The following FAM161A variants were observed in gnomAD, a reference collection of about 807,000 sequenced individuals.
FAM161A encodes the protein protein FAM161A.
A neutral mutation model predicts 70.9 loss-of-function variants in FAM161A; 57 were observed. The observed-to-expected ratio is 0.80, with a 90% CI of 0.65 to 1.00. The LOEUF (loss-of-function observed/expected upper bound fraction) is 1.00. Among genes scored for constraint, FAM161A ranks in the 50% least tolerant of loss-of-function variants. FAM161A has a pLI of 0.00. For missense variants in FAM161A, 880 were observed against 836.0 expected (o/e 1.05, Z -0.65); for synonymous variants, 299 against 295.7 (o/e 1.01, Z -0.12).
the FAM161A span, among the ~76,000 whole-genome samples, chr2:61,811,916 T>C: frequency 6.6e-6 from 1 of 152,154 alleles, no homozygotes; most frequent in Non-Finnish European, 1.5e-5. Context: ...GAAGGCCCCA[T>C]AGAATCTGCT....
At chr2:61,836,262 T>G (rs1358885440) in intron 4 of FAM161A, 153 bp from the exon 5 acceptor site, 7 of 660,880 alleles carry the variant, frequency 1.1e-5, no homozygotes, top group Non-Finnish European at 1.3e-5. Flanking sequence ...ATAAGCACAG[T>G]TCACAGTTTA....
At chr2:61,840,666 T>G (rs1425626924) in intron 2 of FAM161A, 85 bp from the exon 3 acceptor site, 1 of 1,110,110 alleles carries the variant, frequency 9.0e-7, no homozygotes, top group African/African-American at 1.6e-5. Context: ...TCTTTTTTTT[T>G]CTGAGACAGA....
intron 6 of FAM161A, 137 bp downstream of exon 6, chr2:61,826,967 C>T: frequency 1.3e-6 from 1 of 768,736 alleles, no homozygotes; most frequent in African/African-American, 1.7e-5. Flanking sequence ...TACAACAGTT[C>T]ATATGTCTTT....
chr2:61,846,088 CAAAAAAAAAAAA>C (rs35291624), intron 1 of FAM161A, among the ~76,000 whole-genome samples: 2 of 69,018 alleles, frequency 2.9e-5, no homozygotes, highest in Non-Finnish European at 5.2e-5. Context: ...GACTCTGTCT[CAAAAAAAAAAAA>C]AAAAAAAAAA....
intron 1 of FAM161A, among the ~76,000 whole-genome samples, chr2:61,845,487 T>C (rs1352124476): frequency 5.3e-5 from 8 of 152,042 alleles, no homozygotes; most frequent in Non-Finnish European, 1.0e-4. Context: ...GTTTGGAAGA[T>C]AGGGGAAGAC....
At position 61,825,408 on chromosome 2, in the gene FAM161A, C is replaced by G. The variant is rs940193634; in HGVS notation, c.*1047G>C. 1 of 454,152 alleles carries G rather than the reference C, an allele frequency of 2.2e-6. No homozygotes were observed. Among genetic ancestry groups the G allele is most frequent in the Non-Finnish European group, 4.4e-6 (1 of 226,752 alleles). The allele number at this position is 454,152 out of a possible 1,614,324, so 28.1% of individuals were successfully genotyped here. A position where few individuals can be genotyped will look rare whatever the true frequency, so the allele number is the denominator to read the frequency against. ...ATTTCATCATATAAAAAAAGGGATA[C>G]TTGCCCCTAATTTAGATTATAACTC... On this transcript the variant is annotated 3_prime_UTR_variant, in exon 7 of 7. Coordinates refer to ENST00000404929, the MANE Select transcript of FAM161A (RefSeq NM_001201543.2).
chr2:61,824,724 A>G (rs1672286497), downstream of FAM161A: 2 of 250,726 alleles, frequency 8.0e-6, no homozygotes, highest in South Asian at 4.7e-5. Context: ...GAAAGCAAGT[A>G]ATGTTTTAAG....
At position 61,842,119 on chromosome 2, in the gene FAM161A, T is replaced by A. The variant is rs373374401; in HGVS notation, c.422+3A>T. 9 of 1,504,456 alleles carry A rather than the reference T, an allele frequency of 6.0e-6. No individual in the cohort carries two copies. Among genetic ancestry groups the A allele is most frequent in the Non-Finnish European group, 6.5e-6 (7 of 1,080,030 alleles). 93.2% of individuals were successfully genotyped at this position (1,504,456 alleles called of 1,614,324 possible). A position where few individuals can be genotyped will look rare whatever the true frequency, so the allele number is the denominator to read the frequency against. On this transcript the variant is annotated splice_donor_region_variant and intron_variant, in intron 2 of 6. Transcript: ENST00000404929. The stretch of plus-strand genomic sequence containing the variant: ...CACAAATAACATTGAGTTACAAGCT[T>A]ACCTGGAAGAGTCACTAAGAGAGTC...
chr2:61,806,249 A>G, the FAM161A span, among the ~76,000 whole-genome samples: 1 of 152,168 alleles, frequency 6.6e-6, no homozygotes, highest in African/African-American at 2.4e-5. Context: ...AAGAAATTGC[A>G]ATCTGGAAGG....
intron 5 of FAM161A, among the ~76,000 whole-genome samples, chr2:61,834,465 CT>C (rs77909946): frequency 4.4e-3 from 626 of 142,264 alleles, no homozygotes; most frequent in Admixed American, 5.8e-3. Context: ...ACAATATACC[CT>C]TTTTTTTTTT....
At chr2:61,838,387 T>C (rs1387844556) in intron 4 of FAM161A, 151 bp downstream of exon 4, 6 of 645,428 alleles carry the variant, frequency 9.3e-6, no homozygotes, top group African/African-American at 1.8e-5. Flanking sequence ...TGAGTGTGTG[T>C]GCACTGAACA....
intron 4 of FAM161A, 84 bp from the exon 5 acceptor site, chr2:61,836,193 T>C: frequency 1.0e-6 from 1 of 966,144 alleles, no homozygotes; most frequent in South Asian, 1.4e-5. Context: ...CTTATCAACT[T>C]GTACAAAGTC....
the FAM161A span, among the ~76,000 whole-genome samples, chr2:61,807,987 C>T: frequency 6.6e-6 from 1 of 152,114 alleles, no homozygotes; most frequent in Non-Finnish European, 1.5e-5. Flanking sequence ...TGCTGCTAGA[C>T]ATTTGGGTAT....
Position 61,839,943 on chromosome 2 carries a change from C to T in FAM161A, c.1061G>A (p.Arg354Gln), listed in dbSNP as rs369115510. ...DFLKYKKKTN[R>Q]FKARPIPRST... ...TCGAGGAATGGGTCTGGCTTTAAAT[C>T]GATTTGTTTTCTTTTTATACTTAAG... is the stretch of plus-strand genomic sequence containing the variant. The change falls in exon 3 of 7, where the codon CGA becomes CAA. Residue 354 changes from arginine (R) to glutamine (Q), a missense_variant. Transcript: ENST00000404929. The T allele has an allele frequency of 2.2e-4, 356 of 1,614,022 alleles. No homozygotes were observed. Among genetic ancestry groups the T allele is most frequent in the Admixed American group, 5.2e-4 (31 of 60,002 alleles).
intron 5 of FAM161A, among the ~76,000 whole-genome samples, chr2:61,834,774 G>A (rs770069452): frequency 4.0e-5 from 6 of 151,864 alleles, no homozygotes; most frequent in Admixed American, 3.9e-4. Context: ...GCATACCCTT[G>A]TAACAAACCT....
In FAM161A at chr2:61,827,240, C is replaced by T; in HGVS notation, c.1870G>A (p.Ala624Thr). The part of the protein sequence containing the change: ...RVAQKNARMA[A>T]EKHYSNTLKA... ...AGGGTATTAGAATAATGCTTTTCTGCTGCCATTCTTGCATTTTTCTATAGG... is the reference window on the plus strand; with the variant it reads ...AGGGTATTAGAATAATGCTTTTCTGTTGCCATTCTTGCATTTTTCTATAGG... Residue 624 changes from alanine (A) to threonine (T), a missense_variant, in exon 6 of 7, where the codon GCA becomes ACA. Coordinates refer to ENST00000404929, the MANE Select transcript of FAM161A (RefSeq NM_001201543.2). 6.2e-7 allele frequency: 1 copy of T among 1,613,406 alleles called. No homozygotes were observed. The highest frequency in any genetic ancestry group is 8.5e-7 in the Non-Finnish European group (1 of 1,179,946).
chr2:61,842,776 T>C (rs557884308), intron 1 of FAM161A, among the ~76,000 whole-genome samples: 12 of 152,240 alleles, frequency 7.9e-5, no homozygotes, highest in African/African-American at 2.9e-4. Context: ...CCCAATGCTC[T>C]CCCTCCAGCT....
the FAM161A span, among the ~76,000 whole-genome samples, chr2:61,808,214 G>T: frequency 2.0e-5 from 3 of 152,124 alleles, no homozygotes; most frequent in Non-Finnish European, 4.4e-5. Flanking sequence ...TTATTAACAG[G>T]AAATATAGTT....
rs2105080205 is a variant in FAM161A, at chr2:61,839,423, T to C, written c.1581A>G (p.Val527=). 6.2e-7 allele frequency: 1 copy of C among 1,614,152 alleles called. No homozygotes were observed. Among genetic ancestry groups the C allele is most frequent in the East Asian group, 2.2e-5 (1 of 44,890 alleles). The part of the protein sequence containing the change: ...TVSSRGREQA[V]RRSLEEKKML... ...AGTACTGCGTCCTACTTACTTACCT[T>C]ACGGCTTGTTCTCGTCCTCTGGAAG... Residue 527 remains valine (V), a splice_region_variant and synonymous_variant, in exon 3 of 7, where the codon GTA becomes GTG. Transcript: ENST00000404929.
Sources: gnomAD v4.1 joint callset for allele counts (sites outside exome capture counted in the v4.1 genomes callset) on GRCh38, gnomAD v4.1.1 for gene constraint, MANE v1.5 for transcripts, NCBI Gene and HGNC (gene_info 2026-07-23, HGNC 2026-07-21) for gene names.